ABCA2: variants seen among roughly 807,000 people sequenced by gnomAD.
ABCA2 encodes the protein ATP binding cassette subfamily A member 2, also known as ATP-binding cassette sub-family A member 2.
A neutral mutation model predicts 262.8 loss-of-function variants in ABCA2; 84 were observed. The ratio of observed to expected loss-of-function variants is 0.32; its 90% CI spans 0.27 to 0.38. The LOEUF is 0.38. Among genes scored for constraint, ABCA2 ranks in the 10% least tolerant of loss-of-function variants. The pLI is 1.00. For missense variants in ABCA2, 2,662 were observed against 3,405.9 expected (o/e 0.78, Z 5.44); for synonymous variants, 1,696 against 1,502.9 (o/e 1.13, Z -2.97).
chr9:137,014,293 G>A lies in ABCA2; in HGVS notation c.4115C>T (p.Ser1372Leu), dbSNP rs1384313227. The A allele has an allele frequency of 5.6e-6, 9 of 1,611,014 alleles. No individual in the cohort carries two copies. The highest frequency in any genetic ancestry group is 1.3e-5 in the African/African-American group (1 of 74,896). ...GCCCACAGATGACGCCGACTGCAGC[G>A]ATGCCTGCGACTGGGTCAGCTCCGA... is the stretch of plus-strand genomic sequence containing the variant. ...RCSELTQSQA[S>L]LQSASSVGSA... Residue 1372 changes from serine (S) to leucine (L), a missense_variant, in exon 27 of 49, where the codon TCG (serine) becomes TTG (leucine). Transcript: ENST00000341511.
In ABCA2 at chr9:137,014,796, G is replaced by T. The variant is rs1831196090; in HGVS notation, c.3897C>A (p.Ser1299Arg). The change falls in exon 26 of 49, where the codon AGC (serine) becomes AGA (arginine). Residue 1299 changes from serine to arginine, a missense_variant. By Grantham distance (110) the Ser-to-Arg change is moderately radical. This residue lies in a region of ABCA2 where 297 missense variants were observed against 286.5 expected (regional missense o/e 1.04). Transcript: ENST00000341511. ...AGCTGCTGAGGTGCAGTGCATCCAG[G>T]CTGCGCTCCAGGTGCTGCAGGGGCG... ...FERLFQHLER[S>R]LDALHLSSFG... The T allele has an allele frequency of 6.2e-7, 1 of 1,600,716 alleles. No individual in the cohort carries two copies. Among genetic ancestry groups the T allele is most frequent in the Non-Finnish European group, 8.5e-7 (1 of 1,174,874 alleles).
At chr9:137,018,146 C>T (rs766920555) in intron 14 of ABCA2, 32 bp downstream of exon 14, 7 of 1,610,118 alleles carry the variant, frequency 4.3e-6, no homozygotes, top group Admixed American at 3.3e-5. Context: ...CCCCATGAAT[C>T]CTCCAGCCGG....
intron 6 of ABCA2, 60 bp downstream of exon 6, chr9:137,022,291 C>T: frequency 1.3e-6 from 2 of 1,510,462 alleles, no homozygotes; most frequent in South Asian, 1.3e-5. Context: ...GGCTCAGCAA[C>T]CAGGGGGCGT....
At position 137,019,833 on chromosome 9, in the gene ABCA2, G is replaced by A. The variant is rs553052249; in HGVS notation, c.1425+503C>T. The A allele has an allele frequency of 1.6e-5, 3 of 192,886 alleles. No individual in the cohort carries two copies. The Admixed American group carries it at 1.6e-4, about 10-fold the overall frequency. The allele number at this position is 192,886 out of a possible 1,614,324, so 11.9% of individuals were successfully genotyped here. ...GCTGTGCCCACCAGCTCCTTTGCTG[G>A]ACCTGTCTCCATGTGTCCCTTAAGC... is the stretch of plus-strand genomic sequence containing the variant. On this transcript the variant is annotated intron_variant, in intron 10 of 48. Coordinates refer to ENST00000341511, the MANE Select transcript of ABCA2 (RefSeq NM_001606.5). The surrounding 1 kb of genome is among the most constrained non-coding windows in gnomAD (Gnocchi z 4.4).
At chr9:137,028,318 C>T, upstream of ABCA2, 1 of 949,816 alleles carries the variant, frequency 1.1e-6, no homozygotes, top group Non-Finnish European at 1.2e-6. This position sits in a 1 kb window ranked among gnomAD's most constrained non-coding sequence, Gnocchi z 6.9. Flanking sequence ...ACTCTGCCCG[C>T]GCCCCGCCCG....
chr9:137,022,847 C>A lies in ABCA2; in HGVS notation c.294G>T (p.Glu98Asp). ...CTTCCTCCACCACGCGGTCCAGGCG[C>A]TCAAGCAGCTGCGTGACCCTGCACC... ...YANSTVTQLLERLDRVVEEGN... is the reference protein window; with the variant it reads ...YANSTVTQLLDRLDRVVEEGN... Residue 98 changes from glutamate (E) to aspartate (D), a missense_variant, in exon 5 of 49, where the codon GAG (glutamate) becomes GAT (aspartate). This residue lies in a region of ABCA2 where 101 missense variants were observed against 152.3 expected (regional missense o/e 0.66). Transcript: ENST00000341511. The A allele has an allele frequency of 6.3e-7, 1 of 1,577,390 alleles. No homozygotes were observed. The highest frequency in any genetic ancestry group is 8.6e-7 in the Non-Finnish European group (1 of 1,161,588).
intron 1 of ABCA2, among the ~76,000 whole-genome samples, chr9:137,024,797 C>CTTT (rs869249419): frequency 3.6e-5 from 5 of 139,620 alleles, no homozygotes; most frequent in Admixed American, 1.4e-4. Flanking sequence ...GCAAAGGCAC[C>CTTT]TTTTTTTTTT....
intron 1 of ABCA2, 65 bp from the exon 2 acceptor site, chr9:137,024,301 C>T: frequency 7.1e-7 from 1 of 1,410,490 alleles, no homozygotes. Flanking sequence ...TCCCCAGCCT[C>T]CCATAGGGCT....
chr9:137,013,214 G>A lies in ABCA2; in HGVS notation c.4655C>T (p.Ser1552Leu). Residue 1552 changes from serine (S) to leucine (L), a missense_variant, in exon 30 of 49, where the codon TCG (serine) becomes TTG (leucine). Around this residue, in one of 12 missense-constraint regions of ABCA2, gnomAD observed 192 missense variants for 207.2 expected, o/e 0.93. Transcript: ENST00000341511. ...GCTCAGGTTCAACGTGGGCCCCAGC[G>A]AGCCGTTGGCGGGAGACTTGAGCAC... is the stretch of plus-strand genomic sequence containing the variant. ...TCVLKSPANG[S>L]LGPTLNLSSG... 6.2e-7 allele frequency: 1 copy of A among 1,602,726 alleles called. No individual in the cohort carries two copies. Among genetic ancestry groups the A allele is most frequent in the Non-Finnish European group, 8.5e-7 (1 of 1,177,184 alleles).
intron 6 of ABCA2, 53 bp from the exon 7 acceptor site, chr9:137,022,054 T>TGG (rs1234690390): frequency 7.0e-4 from 108 of 154,718 alleles, no homozygotes; most frequent in African/African-American, 3.9e-3. Flanking sequence ...GTGGCTCAGA[T>TGG]GGTGGGGGCG....
At chr9:137,012,195 G>T (rs1251541223) in intron 33 of ABCA2, 33 bp from the exon 34 acceptor site, 2 of 1,609,762 alleles carry the variant, frequency 1.2e-6, no homozygotes, top group Middle Eastern at 1.8e-4. Flanking sequence ...GGCAGCTTCA[G>T]GCCCCAGCTC....
Position 137,017,241 on chromosome 9 carries a change from C to T in ABCA2, c.2508G>A (p.Glu836=), listed in dbSNP as rs1214232520. 4 of 1,612,578 alleles carry T rather than the reference C, an allele frequency of 2.5e-6. No homozygotes were observed. The Admixed American group carries it at 5.0e-5, about 20-fold the overall frequency. Reference sequence around the variant, plus strand: ...CCGTGATCTTATCATGCGCCACCTCCTCTCGGATCGCCACGTACATGTAGG... The same window carrying T: ...CCGTGATCTTATCATGCGCCACCTCTTCTCGGATCGCCACGTACATGTAGG... The part of the protein sequence containing the change: ...YVPYMYVAIR[E]EVAHDKITAF... Residue 836 remains glutamate, a synonymous_variant, in exon 18 of 49, where the codon GAG becomes GAA. Coordinates refer to ENST00000341511, the MANE Select transcript of ABCA2 (RefSeq NM_001606.5).
rs1564210952 is a variant in ABCA2 at position 137,009,526 on chromosome 9, T to C, written c.6734+15A>G. On this transcript the variant is annotated intron_variant, in intron 44 of 48. Coordinates refer to ENST00000341511, the MANE Select transcript of ABCA2 (RefSeq NM_001606.5). The stretch of plus-strand genomic sequence containing the variant: ...GTGGGGTGGGGGCACAAAGAGGGGG[T>C]GGGGGCGCCCTCACCTGTGTGATGT... 16 of 1,186,788 alleles carry C rather than the reference T, an allele frequency of 1.3e-5. No individual in the cohort carries two copies. The highest frequency in any genetic ancestry group is 1.9e-5 in the Non-Finnish European group (15 of 796,180). 73.5% of individuals were successfully genotyped at this position (1,186,788 alleles called of 1,614,324 possible). A position where few individuals can be genotyped will look rare whatever the true frequency, so the allele number is the denominator to read the frequency against.
chr9:137,021,402 A>T lies in ABCA2; in HGVS notation c.887T>A (p.Val296Asp). The T allele has an allele frequency of 6.2e-7, 1 of 1,607,350 alleles. No homozygotes were observed. The highest frequency in any genetic ancestry group is 8.5e-7 in the Non-Finnish European group (1 of 1,179,698). Residue 296 changes from valine (V) to aspartate (D), a missense_variant, in exon 8 of 49, where the codon GTC becomes GAC. Coordinates refer to ENST00000341511, the MANE Select transcript of ABCA2 (RefSeq NM_001606.5). This position sits in a 1 kb window ranked among gnomAD's most constrained non-coding sequence, Gnocchi z 6.0. ...ELRNQLDVAK[V>D]SQQLGLDAPN... is the part of the protein sequence containing the mutation. ...CAGGCAGGGCCTCACCTGCTGGGAG[A>T]CCTTGGCCACGTCCAGCTGGTTCCG...
At chr9:137,028,527 C>T (rs773254304), upstream of ABCA2, among the ~76,000 whole-genome samples, 1 of 151,926 alleles carries the variant, frequency 6.6e-6, no homozygotes, top group African/African-American at 2.4e-5. This position sits in a 1 kb window ranked among gnomAD's most constrained non-coding sequence, Gnocchi z 6.9. Context: ...GCCGGGGGAC[C>T]CTCGGGCGCT....
chr9:137,011,612 T>C lies in ABCA2; in HGVS notation c.5651+22A>G. The C allele has an allele frequency of 1.9e-6, 3 of 1,552,658 alleles. No individual in the cohort carries two copies. Among genetic ancestry groups the C allele is most frequent in the Non-Finnish European group, 2.6e-6 (3 of 1,148,686 alleles). On this transcript the variant is annotated intron_variant, in intron 36 of 48. Transcript: ENST00000341511. This position sits in a 1 kb window ranked among gnomAD's most constrained non-coding sequence, Gnocchi z 8.8. Reference sequence around the variant, plus strand: ...CAGCCCCGGTCCCACCTGAGGCCGCTCCCCCCTCCGCTTCCGCTTACCCAT... The same window carrying C: ...CAGCCCCGGTCCCACCTGAGGCCGCCCCCCCCTCCGCTTCCGCTTACCCAT...
intron 39 of ABCA2, 86 bp downstream of exon 39, chr9:137,010,887 G>GCCCCCC: frequency 2.0e-6 from 1 of 497,016 alleles, no homozygotes; most frequent in South Asian, 2.6e-5. Context: ...CCCCATCCCT[G>GCCCCCC]CCCCCACCCC....
In ABCA2 at chr9:137,015,435, CG is replaced by C; in HGVS notation, c.3675del (p.Ala1226ProfsTer21). ...AGACCTTGGGGGCCCCCCGGCTCGG[CG>C]GGCCGCTTGACCAGCGTGAGGCGGT... ...DGYRLTLVKRPAEPGGPQEPG... is the reference protein window; with the variant it reads ...DGYRLTLVKRXAEPGGPQEPG... On this transcript the variant is annotated frameshift_variant, in exon 24 of 49. Coordinates refer to ENST00000341511, the MANE Select transcript of ABCA2 (RefSeq NM_001606.5). LOFTEE classifies it high-confidence loss of function. The C allele has an allele frequency of 6.4e-7, 1 of 1,566,730 alleles. No homozygotes were observed. Among genetic ancestry groups the C allele is most frequent in the Non-Finnish European group, 8.6e-7 (1 of 1,158,380 alleles).
Position 137,014,194 on chromosome 9 carries a change from T to C in ABCA2, c.4214A>G (p.Gln1405Arg). 1 of 1,608,852 alleles carries C rather than the reference T, an allele frequency of 6.2e-7. No individual in the cohort carries two copies. Among genetic ancestry groups the C allele is most frequent in the East Asian group, 2.2e-5 (1 of 44,794 alleles). The change falls in exon 27 of 49, where the codon CAG (glutamine) becomes CGG (arginine). Residue 1405 changes from glutamine (Q) to arginine (R), a missense_variant. This residue lies in a region of ABCA2 where 297 missense variants were observed against 286.5 expected (regional missense o/e 1.04). Transcript: ENST00000341511. ...TTGCAGGCTGACATTGTCTGGGTCC[T>C]GTGGGTTATCAAAGAGGGGGCGGTA... The part of the protein sequence containing the change: ...GDYRPLFDNP[Q>R]DPDNVSLQEV...
Sources: gnomAD v4.1 joint callset for allele counts (sites outside exome capture counted in the v4.1 genomes callset) on GRCh38, gnomAD v4.1.1 for gene constraint, gnomAD v4.1.1 regional missense constraint, Gnocchi (gnomAD v3.1) non-coding constraint, MANE v1.5 for transcripts, NCBI Gene and HGNC (gene_info 2026-07-23, HGNC 2026-07-21) for gene names.